RABGAP1L: variants seen among roughly 807,000 people sequenced by gnomAD.
The protein encoded by RABGAP1L is rab GTPase-activating protein 1-like.
A neutral mutation model predicts 137.7 loss-of-function variants in RABGAP1L; 63 were observed. The ratio of observed to expected loss-of-function variants is 0.46; its 90% confidence interval spans 0.37 to 0.56. The LOEUF (loss-of-function observed/expected upper bound fraction) is 0.56. Ranked by LOEUF, RABGAP1L falls within the 20% of genes least tolerant of loss-of-function variation. The pLI is 0.00. For synonymous variants in RABGAP1L, 431 were observed against 433.7 expected (o/e 0.99, Z 0.08); for missense variants, 1,095 against 1,244.0 (o/e 0.88, Z 1.80).
intron 1 of RABGAP1L, among the ~76,000 whole-genome samples, chr1:174,205,979 G>T (rs1668479296): frequency 6.6e-6 from 1 of 152,166 alleles, no homozygotes; most frequent in African/African-American, 2.4e-5. Context: ...ATGACTCAGG[G>T]ATATGACTTG....
intron 3 of RABGAP1L, 84 bp downstream of exon 3, chr1:174,221,248 G>T (rs969043710): frequency 1.8e-6 from 2 of 1,130,354 alleles, no homozygotes; most frequent in Non-Finnish European, 2.4e-6. Flanking sequence ...AGAAAAAATT[G>T]TTAGCTCTTC....
chr1:174,450,960 G>A (rs1315381890), intron 13 of RABGAP1L, among the ~76,000 whole-genome samples: 1 of 152,042 alleles, frequency 6.6e-6, no homozygotes, highest in Non-Finnish European at 1.5e-5. Flanking sequence ...TATTGAGGTT[G>A]TTCTGAACCC....
At chr1:174,687,986 AG>A (rs1678604717) in intron 15 of RABGAP1L, among the ~76,000 whole-genome samples, 1 of 152,198 alleles carries the variant, frequency 6.6e-6, no homozygotes, top group Admixed American at 6.5e-5. Flanking sequence ...AACATGTAGT[AG>A]TTTAGACAAT....
At chr1:174,917,010 T>C (rs1284700203) in intron 19 of RABGAP1L, among the ~76,000 whole-genome samples, 1 of 152,214 alleles carries the variant, frequency 6.6e-6, no homozygotes. Flanking sequence ...GTGAGAACTC[T>C]TTTCCTGGCT....
chr1:174,320,456 A>G lies in RABGAP1L; in HGVS notation c.1465+15329A>G, dbSNP rs1679853426. 2.0e-5 allele frequency among the ~76,000 whole-genome samples: 3 copies of G among 152,120 alleles called. No homozygotes were observed. The South Asian group carries it at 6.2e-4, about 32-fold the overall frequency. On this transcript the variant is annotated intron_variant, in intron 11 of 25. Coordinates refer to ENST00000681986, the MANE Select transcript of RABGAP1L (RefSeq NM_001366446.1). ...CTGAGTAGCAATCTGTTGTATAGAT[A>G]TGCTGCAGTTTAGTCATGAGTTAAT...
intron 13 of RABGAP1L, among the ~76,000 whole-genome samples, chr1:174,510,219 A>AT (rs1572108501): frequency 6.6e-6 from 1 of 151,998 alleles, no homozygotes; most frequent in South Asian, 2.1e-4. Flanking sequence ...AATGGAATGG[A>AT]TTTTTCCCCC....
At chr1:174,547,890 T>C (rs1666148138) in intron 13 of RABGAP1L, 2 of 1,548,148 alleles carry the variant, frequency 1.3e-6, no homozygotes, top group Non-Finnish European at 1.7e-6. Context: ...TAGTTAAATA[T>C]GAAGGGTCTA....
At position 174,754,724 on chromosome 1, in the gene RABGAP1L, A is replaced by G. The variant is rs558577556; in HGVS notation, c.2211+2370A>G. On this transcript the variant is annotated intron_variant, in intron 18 of 25. Transcript: ENST00000681986. ...ACTATGTTGCTCAGGCTGGTCTCAA[A>G]CTCCTGGACTCAAGCAGTCCTCCTG... 2.0e-5 allele frequency among the ~76,000 whole-genome samples: 3 copies of G among 151,868 alleles called. No individual in the cohort carries two copies. The East Asian group carries it at 5.8e-4, about 29-fold the overall frequency.
rs553605416 is a variant in RABGAP1L at position 174,597,879 on chromosome 1, G to T, written c.1711-39496G>T. On this transcript the variant is annotated intron_variant, in intron 13 of 25. Coordinates refer to ENST00000681986, the MANE Select transcript of RABGAP1L (RefSeq NM_001366446.1). ...TTTTAATTTGTTTTAAGGAATTTTT[G>T]AATTTCCTTCTTAATTTCTTCATTG... Among the ~76,000 whole-genome samples, 5 of 152,182 alleles carry T rather than the reference G, an allele frequency of 3.3e-5. No individual in the cohort carries two copies. In the East Asian group the frequency reaches 9.6e-4, roughly 29 times the overall value.
intron 13 of RABGAP1L, among the ~76,000 whole-genome samples, chr1:174,531,665 T>C (rs1664418028): frequency 6.8e-6 from 1 of 147,796 alleles, no homozygotes; most frequent in South Asian, 2.2e-4. Flanking sequence ...GCTAGGAATT[T>C]GAGGCTGTAG....
chr1:174,192,966 A>C (rs1007516781), intron 1 of RABGAP1L, among the ~76,000 whole-genome samples: 1 of 152,202 alleles, frequency 6.6e-6, no homozygotes, highest in African/African-American at 2.4e-5. Flanking sequence ...TATTTTAATT[A>C]GCTATATTAA....
chr1:174,935,984 CAAAA>C (rs58215269), intron 19 of RABGAP1L, among the ~76,000 whole-genome samples: 1 of 43,174 alleles, frequency 2.3e-5, no homozygotes, highest in Non-Finnish European at 4.0e-5. Flanking sequence ...TCCATCTCAC[CAAAA>C]AAAAAAAAAA....
intron 17 of RABGAP1L, among the ~76,000 whole-genome samples, chr1:174,735,840 T>A (rs1248561015): frequency 6.6e-6 from 1 of 151,860 alleles, no homozygotes; most frequent in African/African-American, 2.4e-5. Flanking sequence ...AGCAACAAGA[T>A]CTCATGTGAA....
rs369100892 is a variant in RABGAP1L at position 174,254,693 on chromosome 1, T to C, written c.986+2103T>C. Among the ~76,000 whole-genome samples the C allele has an allele frequency of 5.3e-5, 8 of 152,340 alleles. No individual in the cohort carries two copies. In the South Asian group the frequency reaches 1.4e-3, roughly 28 times the overall value. On this transcript the variant is annotated intron_variant, in intron 7 of 25. Coordinates refer to ENST00000681986, the MANE Select transcript of RABGAP1L (RefSeq NM_001366446.1). ...CATTCTTTTTTATGGCTGCATAGTATTCCGTGGTGTATATGTGCCACATTT... is the reference window on the plus strand; with the variant it reads ...CATTCTTTTTTATGGCTGCATAGTACTCCGTGGTGTATATGTGCCACATTT...
In RABGAP1L at chr1:174,366,769, C is replaced by T. The variant is rs557091445; in HGVS notation, c.1466-4210C>T. On this transcript the variant is annotated intron_variant, in intron 11 of 25. Transcript: ENST00000681986. ...CAGCCTGGGTGACAGAGCCAGACTC[C>T]GTCTCCAGGAAAAAAAAAAAAAAAA... is the stretch of plus-strand genomic sequence containing the variant. 8.1e-5 allele frequency among the ~76,000 whole-genome samples: 11 copies of T among 135,498 alleles called. No homozygotes were observed. In the East Asian group the frequency reaches 1.1e-3, roughly 13 times the overall value. 88.9% of individuals were successfully genotyped at this position (135,498 alleles called of 152,430 possible).
intron 11 of RABGAP1L, among the ~76,000 whole-genome samples, chr1:174,368,442 C>A (rs1684831336): frequency 6.6e-6 from 1 of 152,150 alleles, no homozygotes; most frequent in African/African-American, 2.4e-5. Flanking sequence ...TTACCTGTTT[C>A]CTTATGCTTT....
rs1681826512 is a variant in RABGAP1L at position 174,724,472 on chromosome 1, G to A, written c.2169+22216G>A. Among the ~76,000 whole-genome samples, 3 of 152,190 alleles carry A rather than the reference G, an allele frequency of 2.0e-5. No individual in the cohort carries two copies. The South Asian group carries it at 6.2e-4, about 31-fold the overall frequency. ...TGCCAGAGAAGCCAAAAAGGGAGCAGCATATGCTTCCAAATTGTTTTGAAG... is the reference window on the plus strand; with the variant it reads ...TGCCAGAGAAGCCAAAAAGGGAGCAACATATGCTTCCAAATTGTTTTGAAG... On this transcript the variant is annotated intron_variant, in intron 17 of 25. Coordinates refer to ENST00000681986, the MANE Select transcript of RABGAP1L (RefSeq NM_001366446.1).
intron 14 of RABGAP1L, among the ~76,000 whole-genome samples, chr1:174,655,963 C>A (rs1675937072): frequency 6.6e-6 from 1 of 152,110 alleles, no homozygotes; most frequent in Non-Finnish European, 1.5e-5. Flanking sequence ...TTCCTTTAGT[C>A]AAAATATTAA....
intron 19 of RABGAP1L, among the ~76,000 whole-genome samples, chr1:174,907,778 CAAG>C (rs952617913): frequency 2.6e-5 from 4 of 152,154 alleles, no homozygotes; most frequent in African/African-American, 9.7e-5. Flanking sequence ...AAAACAACCA[CAAG>C]ACAGGCAACA....
Sources: allele counts gnomAD v4.1 joint callset (sites outside exome capture counted in the v4.1 genomes callset), GRCh38; gene constraint gnomAD v4.1.1; transcripts MANE v1.5; gene names NCBI Gene and HGNC (gene_info 2026-07-23, HGNC 2026-07-21).